OXR1: variants seen among roughly 807,000 people sequenced by gnomAD.
OXR1 encodes oxidation resistance 1, also known as oxidation resistance protein 1.
In OXR1, 41 loss-of-function variants were observed where a neutral mutation model predicts 104.6. The observed-to-expected ratio is 0.39, with a 90% CI of 0.31 to 0.51. OXR1 has a LOEUF of 0.51. OXR1 is among the 20% of genes least tolerant of loss of function. The pLI is 0.77. For missense variants in OXR1, 955 were observed against 1,031.9 expected, an observed-to-expected ratio of 0.93 and a Z score of 1.02; for synonymous variants, 348 against 348.4, an observed-to-expected ratio of 1.00 and a Z score of 0.01.
chr8:106,311,512 G>C (rs1055965912), intron 1 of OXR1, among the ~76,000 whole-genome samples: 12 of 152,132 alleles, frequency 7.9e-5, no homozygotes, highest in African/African-American at 2.7e-4. Context: ...TGTCCTGTGT[G>C]TGTTAATTTA....
chr8:106,596,104 A>G (rs550847506), intron 3 of OXR1, among the ~76,000 whole-genome samples: 2 of 152,046 alleles, frequency 1.3e-5, no homozygotes, highest in African/African-American at 4.8e-5. Flanking sequence ...TTGAGCACCT[A>G]CTAATACCAA....
intron 3 of OXR1, among the ~76,000 whole-genome samples, chr8:106,608,669 TG>T (rs1563640132): frequency 2.6e-5 from 4 of 152,192 alleles, no homozygotes; most frequent in Non-Finnish European, 4.4e-5. Context: ...ATCTGTTCTT[TG>T]TCATTAGAGA....
At chr8:106,422,197 C>T (rs752494675) in intron 2 of OXR1, among the ~76,000 whole-genome samples, 1 of 152,074 alleles carries the variant, frequency 6.6e-6, no homozygotes, top group Non-Finnish European at 1.5e-5. Context: ...AGTCTCCTTT[C>T]GGAGCACTGG....
chr8:106,427,783 T>C (rs1184148058), intron 2 of OXR1, among the ~76,000 whole-genome samples: 1 of 152,208 alleles, frequency 6.6e-6, no homozygotes, highest in Non-Finnish European at 1.5e-5. Context: ...AATCAATATG[T>C]GATATCTCAA....
intron 3 of OXR1, among the ~76,000 whole-genome samples, chr8:106,565,197 G>A (rs767386313): frequency 6.6e-6 from 1 of 152,174 alleles, no homozygotes; most frequent in Non-Finnish European, 1.5e-5. Flanking sequence ...ATCTGTGTTT[G>A]CAGATGACAT....
chr8:106,340,984 A>C (rs1228098524), intron 1 of OXR1, among the ~76,000 whole-genome samples: 7 of 152,226 alleles, frequency 4.6e-5, no homozygotes, highest in Non-Finnish European at 1.0e-4. Context: ...AGGCAAATAT[A>C]AACACAGTAC....
At chr8:106,524,687 G>A (rs951935626) in intron 3 of OXR1, among the ~76,000 whole-genome samples, 8 of 152,198 alleles carry the variant, frequency 5.3e-5, no homozygotes, top group Admixed American at 1.3e-4. Context: ...TATGCGTTGG[G>A]AAAGAGCGTG....
At chr8:106,342,588 T>TTC (rs1815303929) in intron 1 of OXR1, among the ~76,000 whole-genome samples, 1 of 152,022 alleles carries the variant, frequency 6.6e-6, no homozygotes, top group African/African-American at 2.4e-5. Flanking sequence ...TTTTTAGCTT[T>TTC]TCTCTCTCTA....
intron 1 of OXR1, among the ~76,000 whole-genome samples, chr8:106,313,356 T>C (rs1813788246): frequency 6.6e-6 from 1 of 152,194 alleles, no homozygotes; most frequent in Non-Finnish European, 1.5e-5. Flanking sequence ...ATTTCCATTT[T>C]AAGTCCACTA....
chr8:106,658,595 T>A (rs1386605334), intron 3 of OXR1, among the ~76,000 whole-genome samples: 1 of 152,220 alleles, frequency 6.6e-6, no homozygotes, highest in Admixed American at 6.5e-5. Flanking sequence ...TGGGTCAGTC[T>A]TTCCTTAATA....
intron 16 of OXR1, among the ~76,000 whole-genome samples, chr8:106,749,080 C>T (rs192534948): frequency 3.8e-4 from 57 of 151,974 alleles, no homozygotes; most frequent in African/African-American, 1.3e-3. Context: ...CGGTGGCTCA[C>T]GCCTGTAATC....
rs1355308327 is a variant in OXR1 at position 106,707,134 on chromosome 8, G to C, written c.1613G>C (p.Gly538Ala). The C allele has an allele frequency of 6.2e-7, 1 of 1,613,070 alleles. No homozygotes were observed. Among genetic ancestry groups the C allele is most frequent in the Non-Finnish European group, 8.5e-7 (1 of 1,179,328 alleles). ...EAKHKITSAD[G>A]HIESSALLKE... ...AAGCATAAAATTACATCTGCTGATG[G>C]ACACATAGAAAGTAAGTGTTATAGA... Residue 538 changes from glycine to alanine, a missense_variant, in exon 9 of 17, where the codon GGA (glycine) becomes GCA (alanine). By Grantham distance (60) the Gly-to-Ala change is moderately conservative (BLOSUM62 0). Transcript: ENST00000517566.
At chr8:106,524,568 G>C (rs145464646) in intron 3 of OXR1, among the ~76,000 whole-genome samples, 77 of 152,308 alleles carry the variant, frequency 5.1e-4, no homozygotes, top group African/African-American at 1.6e-3. Context: ...ACACCAAACA[G>C]TGATTAGTCC....
chr8:106,530,010 T>C (rs971264081), intron 3 of OXR1, among the ~76,000 whole-genome samples: 1 of 152,176 alleles, frequency 6.6e-6, no homozygotes, highest in Non-Finnish European at 1.5e-5. Context: ...TTTAACCTGC[T>C]AACACGTCTA....
At chr8:106,675,595 T>G (rs1203036629) in intron 3 of OXR1, among the ~76,000 whole-genome samples, 1 of 152,224 alleles carries the variant, frequency 6.6e-6, no homozygotes, top group East Asian at 1.9e-4. Flanking sequence ...AGTTTCCATG[T>G]AATTGTATAG....
intron 2 of OXR1, among the ~76,000 whole-genome samples, chr8:106,504,815 A>G (rs1025169883): frequency 2.6e-5 from 4 of 152,196 alleles, no homozygotes; most frequent in East Asian, 1.9e-4. Context: ...TTAGAAGTAC[A>G]TATATGGATA....
intron 2 of OXR1, among the ~76,000 whole-genome samples, chr8:106,465,736 G>A: frequency 6.6e-6 from 1 of 151,932 alleles, no homozygotes; most frequent in East Asian, 1.9e-4. Context: ...GCTGTCATTA[G>A]CAATATGAGA....
At chr8:106,711,407 A>T (rs1831675827) in intron 10 of OXR1, among the ~76,000 whole-genome samples, 1 of 152,120 alleles carries the variant, frequency 6.6e-6, no homozygotes, top group Admixed American at 6.6e-5. Context: ...ACATTGCATC[A>T]TTACTTTTTC....
At chr8:106,415,856 C>T (rs548901888) in intron 2 of OXR1, among the ~76,000 whole-genome samples, 7 of 152,136 alleles carry the variant, frequency 4.6e-5, no homozygotes, top group Non-Finnish European at 8.8e-5. Flanking sequence ...CATGTTTATG[C>T]GTTTGATGCA....
Sources: allele counts gnomAD v4.1 joint callset (sites outside exome capture counted in the v4.1 genomes callset), GRCh38; gene constraint gnomAD v4.1.1; transcripts MANE v1.5; gene names NCBI Gene and HGNC (gene_info 2026-07-23, HGNC 2026-07-21).